Variants in BMPR1B observed in about 807,000 individuals in gnomAD.
The protein encoded by BMPR1B is bone morphogenetic protein receptor type 1B, also known as bone morphogenetic protein receptor type-1B.
BMPR1B carries 12 observed loss-of-function variants against 59.1 expected under a neutral mutation model. That is an observed-to-expected ratio of 0.20 (90% CI 0.13 to 0.33). The LOEUF (loss-of-function observed/expected upper bound fraction) is 0.33. Among genes scored for constraint, BMPR1B ranks in the 10% least tolerant of loss-of-function variants. The probability of loss-of-function intolerance (pLI) is 1.00; values close to 1 mark genes in which losing one functional copy is unlikely to be tolerated. For synonymous variants in BMPR1B, 237 were observed against 207.3 expected, an observed-to-expected ratio of 1.14 and a Z score of -1.23; for missense variants, 550 against 610.9, an observed-to-expected ratio of 0.90 and a Z score of 1.05.
chr4:94,943,203 C>T (rs1466279762), intron 2 of BMPR1B, among the ~76,000 whole-genome samples: 1 of 151,596 alleles, frequency 6.6e-6, no homozygotes, highest in South Asian at 2.1e-4. Flanking sequence ...TGCAATGGCA[C>T]GATCTCGGCT....
intron 1 of BMPR1B, among the ~76,000 whole-genome samples, chr4:94,873,570 C>A (rs1198654921): frequency 6.6e-6 from 1 of 151,996 alleles, no homozygotes; most frequent in African/African-American, 2.4e-5. Flanking sequence ...CCATGCCCAG[C>A]TAATATTTTG....
chr4:95,031,102 A>G (rs1245841882), intron 3 of BMPR1B, among the ~76,000 whole-genome samples: 2 of 152,056 alleles, frequency 1.3e-5, no homozygotes, highest in African/African-American at 2.4e-5. Flanking sequence ...GAGGCATCAC[A>G]CTACCTGACT....
At position 94,993,883 on chromosome 4, in the gene BMPR1B, T is replaced by A. The variant is rs535649477; in HGVS notation, c.-112-2157T>A. Among the ~76,000 whole-genome samples the A allele has an allele frequency of 4.6e-5, 7 of 151,554 alleles. No homozygotes were observed. The South Asian group carries it at 1.5e-3, about 32-fold the overall frequency. ...TAAAGGTCAAGAAAATAAATAGCAA[T>A]GTAAATTTCAGCTGCCAAAATAAGT... On this transcript the variant is annotated intron_variant, in intron 2 of 12. Transcript: ENST00000515059.
At chr4:95,012,708 T>C (rs898156728) in intron 3 of BMPR1B, among the ~76,000 whole-genome samples, 1 of 152,202 alleles carries the variant, frequency 6.6e-6, no homozygotes, top group Non-Finnish European at 1.5e-5. Context: ...TTTACTGTGC[T>C]AGCAGCATTT....
chr4:94,865,798 A>G (rs1435246497), intron 1 of BMPR1B, among the ~76,000 whole-genome samples: 1 of 152,238 alleles, frequency 6.6e-6, no homozygotes, highest in South Asian at 2.1e-4. Context: ...CTAAGAGGAA[A>G]GAACAACAAC....
intron 10 of BMPR1B, among the ~76,000 whole-genome samples, chr4:95,136,730 T>C (rs1451921952): frequency 6.6e-6 from 1 of 152,186 alleles, no homozygotes; most frequent in Non-Finnish European, 1.5e-5. Context: ...TGTTAGTTTG[T>C]ATTTCTGTGG....
intron 3 of BMPR1B, among the ~76,000 whole-genome samples, chr4:95,007,975 G>T (rs912788747): frequency 3.9e-5 from 6 of 152,260 alleles, no homozygotes; most frequent in African/African-American, 7.2e-5. Context: ...ACTGAGAAAA[G>T]AATTTAATAT....
chr4:95,062,854 C>T (rs1727503267), intron 3 of BMPR1B, among the ~76,000 whole-genome samples: 1 of 152,156 alleles, frequency 6.6e-6, no homozygotes, highest in Middle Eastern at 3.4e-3. Context: ...ATTTTTCAAA[C>T]TCTCCATTAA....
intron 10 of BMPR1B, among the ~76,000 whole-genome samples, chr4:95,136,338 G>A (rs540830017): frequency 6.6e-6 from 1 of 152,100 alleles, no homozygotes; most frequent in African/African-American, 2.4e-5. Flanking sequence ...TTTTTGCATC[G>A]ATGTTCATCA....
intron 2 of BMPR1B, among the ~76,000 whole-genome samples, chr4:94,988,715 T>G (rs973456964): frequency 2.0e-5 from 3 of 152,162 alleles, no homozygotes; most frequent in African/African-American, 7.2e-5. Context: ...GTAAGGTTGG[T>G]AGACTTATGT....
chr4:94,801,838 T>C (rs1723420319), intron 1 of BMPR1B, among the ~76,000 whole-genome samples: 1 of 152,174 alleles, frequency 6.6e-6, no homozygotes, highest in Non-Finnish European at 1.5e-5. Context: ...TAAAATGAAG[T>C]TTACGATTAA....
At position 94,877,295 on chromosome 4, in the gene BMPR1B, C is replaced by G. The variant is rs143624422; in HGVS notation, c.-113+1395C>G. 3.5e-3 allele frequency among the ~76,000 whole-genome samples: 537 copies of G among 152,288 alleles called. 3 individuals are homozygous for G. The highest frequency in any genetic ancestry group is 0.01 in the Middle Eastern group (3 of 294). Reference sequence around the variant, plus strand: ...TGTGGGGCTGGGCATCAGGAACCTTCCTACCAGGGTGAGGGGTTTGGAAAA... The same window carrying G: ...TGTGGGGCTGGGCATCAGGAACCTTGCTACCAGGGTGAGGGGTTTGGAAAA... On this transcript the variant is annotated intron_variant, in intron 2 of 12. Transcript: ENST00000515059.
At chr4:94,826,447 C>T (rs963016822) in intron 1 of BMPR1B, among the ~76,000 whole-genome samples, 12 of 152,160 alleles carry the variant, frequency 7.9e-5, no homozygotes, top group Non-Finnish European at 7.4e-5. Context: ...TTGCACTGTG[C>T]TTTTCTGCTG....
intron 1 of BMPR1B, among the ~76,000 whole-genome samples, chr4:94,785,552 T>C (rs962203106): frequency 3.3e-5 from 5 of 152,140 alleles, no homozygotes; most frequent in African/African-American, 9.7e-5. Context: ...TGTAAGGATT[T>C]TGGTGTTTTG....
chr4:95,012,931 T>C (rs776886044), intron 3 of BMPR1B, among the ~76,000 whole-genome samples: 24 of 152,106 alleles, frequency 1.6e-4, no homozygotes, highest in Non-Finnish European at 3.2e-4. Flanking sequence ...AACAAATAGG[T>C]GCCTATCCAA....
intron 1 of BMPR1B, among the ~76,000 whole-genome samples, chr4:94,872,041 G>C (rs1463246698): frequency 1.3e-5 from 2 of 152,170 alleles, no homozygotes; most frequent in Non-Finnish European, 2.9e-5. Context: ...TTGTTTAATT[G>C]TCTTAATGCT....
intron 1 of BMPR1B, among the ~76,000 whole-genome samples, chr4:94,781,246 A>T (rs1722578917): frequency 6.6e-6 from 1 of 152,102 alleles, no homozygotes; most frequent in Non-Finnish European, 1.5e-5. Flanking sequence ...CAGATATATG[A>T]TTTGCAAATA....
intron 10 of BMPR1B, among the ~76,000 whole-genome samples, chr4:95,136,123 T>C (rs1733762080): frequency 6.6e-6 from 1 of 152,172 alleles, no homozygotes; most frequent in Admixed American, 6.5e-5. Context: ...GAGATGATCA[T>C]GTGGTTTTTG....
At chr4:94,909,090 G>T (rs868006128) in intron 2 of BMPR1B, among the ~76,000 whole-genome samples, 2 of 152,120 alleles carry the variant, frequency 1.3e-5, no homozygotes, top group South Asian at 4.2e-4. Flanking sequence ...CATCACTCCA[G>T]TCTCTGCTTT....
Sources: allele counts gnomAD v4.1 joint callset (sites outside exome capture counted in the v4.1 genomes callset), GRCh38; gene constraint gnomAD v4.1.1; transcripts MANE v1.5; gene names NCBI Gene and HGNC (gene_info 2026-07-23, HGNC 2026-07-21).